Variants in WASL observed in about 807,000 individuals in gnomAD.
WASL encodes the protein WASP like actin nucleation promoting factor.
In WASL, 20 loss-of-function variants were observed where a neutral mutation model predicts 55.5. The observed-to-expected ratio is 0.36, with a 90% CI of 0.25 to 0.52. WASL has a LOEUF of 0.52. Ranked by LOEUF, WASL falls within the 20% of genes least tolerant of loss-of-function variation. WASL has a pLI of 0.92. For missense variants in WASL, 504 were observed against 622.5 expected, an observed-to-expected ratio of 0.81 and a Z score of 2.03; for synonymous variants, 249 against 217.6, an observed-to-expected ratio of 1.14 and a Z score of -1.27.
At chr7:123,714,555 CAG>C (rs1178382424) in intron 1 of WASL, among the ~76,000 whole-genome samples, 2 of 152,170 alleles carry the variant, frequency 1.3e-5, no homozygotes, top group Admixed American at 6.6e-5. Context: ...GGACCAAACA[CAG>C]AGAGTCTTTT....
chr7:123,717,093 T>C (rs558468407), intron 1 of WASL, among the ~76,000 whole-genome samples: 5 of 152,262 alleles, frequency 3.3e-5, no homozygotes, highest in Admixed American at 6.5e-5. Flanking sequence ...ACGCCCCCTT[T>C]TGGTTTGTTT....
At chr7:123,688,016 C>A (rs915889006) in intron 10 of WASL, among the ~76,000 whole-genome samples, 1 of 152,098 alleles carries the variant, frequency 6.6e-6, no homozygotes, top group Non-Finnish European at 1.5e-5. Flanking sequence ...ATGTAACAAA[C>A]AAGAAACTGA....
intron 1 of WASL, among the ~76,000 whole-genome samples, chr7:123,747,895 C>G (rs1428745797): frequency 6.6e-6 from 1 of 152,038 alleles, no homozygotes; most frequent in Admixed American, 6.5e-5. Flanking sequence ...GAATCATTCT[C>G]GGCCCCAAAA....
chr7:123,745,655 CA>C (rs1408158976), intron 1 of WASL, among the ~76,000 whole-genome samples: 2 of 152,044 alleles, frequency 1.3e-5, no homozygotes, highest in East Asian at 3.9e-4. Flanking sequence ...TAGACATGTC[CA>C]AGCTTCACCT....
chr7:123,726,565 AC>A (rs1464675219), intron 1 of WASL, among the ~76,000 whole-genome samples: 5 of 152,198 alleles, frequency 3.3e-5, no homozygotes, highest in South Asian at 2.1e-4. Flanking sequence ...CCATCAAAAA[AC>A]ATCATTAAAA....
chr7:123,724,529 G>C (rs1397983374), intron 1 of WASL, among the ~76,000 whole-genome samples: 3 of 152,106 alleles, frequency 2.0e-5, no homozygotes, highest in Non-Finnish European at 4.4e-5. Flanking sequence ...TGTAGGGTTT[G>C]CTTCACCAAA....
At chr7:123,718,270 A>G (rs1803877871) in intron 1 of WASL, among the ~76,000 whole-genome samples, 1 of 152,184 alleles carries the variant, frequency 6.6e-6, no homozygotes, top group Non-Finnish European at 1.5e-5. Flanking sequence ...TATAAGCTTC[A>G]GGCCACAAAA....
intron 4 of WASL, among the ~76,000 whole-genome samples, chr7:123,705,612 C>T (rs994530039): frequency 1.6e-4 from 25 of 152,176 alleles, no homozygotes; most frequent in African/African-American, 5.8e-4. Flanking sequence ...CACCCTTCTC[C>T]ACTTTACAAG....
At chr7:123,717,774 G>A (rs1299899922) in intron 1 of WASL, among the ~76,000 whole-genome samples, 1 of 152,114 alleles carries the variant, frequency 6.6e-6, no homozygotes. Context: ...GAGCAAATAT[G>A]TTAGAACAGG....
intron 8 of WASL, among the ~76,000 whole-genome samples, chr7:123,693,541 G>T (rs1033880824): frequency 1.3e-5 from 2 of 152,106 alleles, no homozygotes; most frequent in African/African-American, 4.8e-5. Context: ...GACATGAACT[G>T]GTTATTAACA....
At chr7:123,721,485 G>C (rs1303318000) in intron 1 of WASL, among the ~76,000 whole-genome samples, 3 of 152,080 alleles carry the variant, frequency 2.0e-5, no homozygotes, top group African/African-American at 7.2e-5. Context: ...TACAACATTT[G>C]AGACTCTCAT....
At chr7:123,732,077 C>T (rs1237326266) in intron 1 of WASL, among the ~76,000 whole-genome samples, 1 of 152,130 alleles carries the variant, frequency 6.6e-6, no homozygotes, top group Non-Finnish European at 1.5e-5. Context: ...CCTGTAATCC[C>T]AGCACTTTGG....
At chr7:123,720,610 T>C (rs2116803722) in intron 1 of WASL, among the ~76,000 whole-genome samples, 1 of 151,808 alleles carries the variant, frequency 6.6e-6, no homozygotes, top group Non-Finnish European at 1.5e-5. Context: ...AATGAAGGAC[T>C]GGATAAATGA....
intron 1 of WASL, among the ~76,000 whole-genome samples, chr7:123,717,022 C>T (rs1803855436): frequency 6.6e-6 from 1 of 152,104 alleles, no homozygotes; most frequent in South Asian, 2.1e-4. Context: ...ATATTTTTGC[C>T]CTATGCCAGC....
chr7:123,686,042 T>G (rs1179845639), intron 10 of WASL, among the ~76,000 whole-genome samples: 1 of 151,104 alleles, frequency 6.6e-6, no homozygotes, highest in African/African-American at 2.4e-5. Context: ...CTTTTTCTTC[T>G]ATTTTTCTCA....
chr7:123,710,039 C>T (rs536795476), intron 1 of WASL, among the ~76,000 whole-genome samples: 27 of 152,078 alleles, frequency 1.8e-4, no homozygotes. Context: ...CACCATGTTG[C>T]CCCCTTCCTC....
At chr7:123,734,115 A>G (rs1804186811) in intron 1 of WASL, among the ~76,000 whole-genome samples, 1 of 152,148 alleles carries the variant, frequency 6.6e-6, no homozygotes, top group Non-Finnish European at 1.5e-5. Context: ...AATCCATGAA[A>G]GAAAAAGCTG....
chr7:123,697,746 T>C (rs1289264617), intron 5 of WASL, among the ~76,000 whole-genome samples: 3 of 152,234 alleles, frequency 2.0e-5, no homozygotes, highest in Non-Finnish European at 2.9e-5. Context: ...TGGCCCTCAG[T>C]TGACCACTTG....
intron 1 of WASL, among the ~76,000 whole-genome samples, chr7:123,723,985 T>C (rs1236079564): frequency 1.3e-5 from 2 of 152,210 alleles, no homozygotes; most frequent in Non-Finnish European, 2.9e-5. Context: ...ACTTTTTCAT[T>C]ATATGTATAT....
Sources: allele counts gnomAD v4.1 joint callset (sites outside exome capture counted in the v4.1 genomes callset), GRCh38; gene constraint gnomAD v4.1.1; transcripts MANE v1.5; gene names NCBI Gene and HGNC (gene_info 2026-07-23, HGNC 2026-07-21).